CCNY: variants seen among roughly 807,000 people sequenced by gnomAD.
CCNY encodes the protein cyclin-Y.
A neutral mutation model predicts 42.8 loss-of-function variants in CCNY; 19 were observed. The ratio of observed to expected loss-of-function variants is 0.44; its 90% CI spans 0.31 to 0.65. The LOEUF (loss-of-function observed/expected upper bound fraction) is 0.65. Ranked by LOEUF, CCNY falls within the 30% of genes least tolerant of loss-of-function variation. CCNY has a pLI of 0.07. For missense variants in CCNY, 370 were observed against 437.3 expected (o/e 0.85, Z 1.37); for synonymous variants, 165 against 162.7 (o/e 1.01, Z -0.11).
chr10:35,550,792 C>G (rs544145023), intron 7 of CCNY, among the ~76,000 whole-genome samples: 1 of 152,050 alleles, frequency 6.6e-6, no homozygotes, highest in Non-Finnish European at 1.5e-5. Context: ...TTCTTTGTTA[C>G]CCCTTCATCC....
At chr10:35,322,994 T>C (rs909722113) in intron 3 of CCNY, among the ~76,000 whole-genome samples, 95 of 152,292 alleles carry the variant, frequency 6.2e-4, no homozygotes, top group African/African-American at 2.2e-3. Flanking sequence ...TGGTGTGAGC[T>C]TGGCTCAGTC....
chr10:35,546,530 CAG>C (rs1330254916), intron 7 of CCNY, among the ~76,000 whole-genome samples: 2 of 152,178 alleles, frequency 1.3e-5, no homozygotes, highest in Non-Finnish European at 2.9e-5. Context: ...TTTTACTTGG[CAG>C]AGAGTTAAAA....
At chr10:35,558,447 A>C (rs1383173482) in intron 8 of CCNY, among the ~76,000 whole-genome samples, 4 of 152,200 alleles carry the variant, frequency 2.6e-5, no homozygotes, top group Admixed American at 1.3e-4. Context: ...CTATAAATTG[A>C]ATGCATATCC....
At position 35,452,971 on chromosome 10, in the gene CCNY, A is replaced by T. The variant is rs111958155; in HGVS notation, c.155-30433A>T. Reference sequence around the variant, plus strand: ...GTGGTGACATTGTCTAGAACATTTTAAAAAAAATATTATTTATTTTTAGAG... The same window carrying T: ...GTGGTGACATTGTCTAGAACATTTTTAAAAAAATATTATTTATTTTTAGAG... On this transcript the variant is annotated intron_variant, in intron 1 of 9. Transcript: ENST00000374704. Among the ~76,000 whole-genome samples, 568 of 152,060 alleles carry T rather than the reference A, an allele frequency of 3.7e-3. 4 individuals are homozygous for T. The highest frequency in any genetic ancestry group is 0.013 in the African/African-American group (523 of 41,482).
intron 3 of CCNY, among the ~76,000 whole-genome samples, chr10:35,329,054 A>G (rs1376880285): frequency 1.3e-5 from 2 of 152,270 alleles, no homozygotes; most frequent in East Asian, 1.9e-4. Context: ...TACAGATCAC[A>G]GAATGACCAA....
intron 3 of CCNY, among the ~76,000 whole-genome samples, chr10:35,281,337 C>T (rs921496128): frequency 6.6e-5 from 10 of 151,966 alleles, no homozygotes; most frequent in African/African-American, 1.9e-4. Context: ...CTGACTCTGT[C>T]GCCCAGGGTG....
At chr10:35,358,560 C>G (rs1228283942) in intron 1 of CCNY, among the ~76,000 whole-genome samples, 3 of 152,156 alleles carry the variant, frequency 2.0e-5, no homozygotes, top group Non-Finnish European at 4.4e-5. Context: ...TAATTTGTAG[C>G]AGTAGTGAGT....
rs375896245 is a variant in CCNY at position 35,525,236 on chromosome 10, T to G, written c.366-728T>G. ...CCTGACTCCTTACACACATAATTTA[T>G]AGAAAGCTATATATCTTAAGCTAAT... On this transcript the variant is annotated intron_variant, in intron 4 of 9. Coordinates refer to ENST00000374704, the MANE Select transcript of CCNY (RefSeq NM_145012.6). Among the ~76,000 whole-genome samples, 9 of 152,192 alleles carry G rather than the reference T, an allele frequency of 5.9e-5. No homozygotes were observed. In the East Asian group the frequency reaches 1.2e-3, roughly 20 times the overall value.
At chr10:35,558,593 T>G (rs759579601) in intron 8 of CCNY, among the ~76,000 whole-genome samples, 1 of 152,182 alleles carries the variant, frequency 6.6e-6, no homozygotes, top group South Asian at 2.1e-4. Flanking sequence ...TGGAGATATA[T>G]TTTTTAAAGA....
At chr10:35,363,033 G>C (rs1301263170) in intron 1 of CCNY, among the ~76,000 whole-genome samples, 1 of 149,530 alleles carries the variant, frequency 6.7e-6, no homozygotes, top group Non-Finnish European at 1.5e-5. Context: ...TGGGCCGCCG[G>C]CGGCCGGGCG....
intron 4 of CCNY, among the ~76,000 whole-genome samples, chr10:35,518,406 T>C (rs1398694146): frequency 5.3e-5 from 8 of 152,200 alleles, no homozygotes; most frequent in Non-Finnish European, 1.0e-4. Flanking sequence ...TTAACAGACT[T>C]TGATTGAATC....
intron 8 of CCNY, among the ~76,000 whole-genome samples, chr10:35,558,127 A>T (rs1046849035): frequency 6.6e-6 from 1 of 152,226 alleles, no homozygotes; most frequent in Non-Finnish European, 1.5e-5. Context: ...ACTGGAAACC[A>T]TCTAAGTAGC....
intron 3 of CCNY, among the ~76,000 whole-genome samples, chr10:35,314,313 G>C (rs1835726792): frequency 6.6e-6 from 1 of 152,076 alleles, no homozygotes; most frequent in African/African-American, 2.4e-5. Flanking sequence ...AAGGCAAAAG[G>C]CACATCTTAC....
intron 3 of CCNY, among the ~76,000 whole-genome samples, chr10:35,505,579 G>C (rs1334302870): frequency 6.6e-6 from 1 of 152,126 alleles, no homozygotes; most frequent in South Asian, 2.1e-4. Context: ...TCTGCCACCT[G>C]CTAATTGGGC....
At chr10:35,506,151 A>C (rs1358052209) in intron 3 of CCNY, among the ~76,000 whole-genome samples, 2 of 152,234 alleles carry the variant, frequency 1.3e-5, no homozygotes, top group Non-Finnish European at 2.9e-5. Flanking sequence ...ATATGCTTGG[A>C]GGATGTGAAA....
chr10:35,519,162 G>A (rs1406833884), intron 4 of CCNY, among the ~76,000 whole-genome samples: 1 of 151,830 alleles, frequency 6.6e-6, no homozygotes, highest in Admixed American at 6.6e-5. Context: ...GGTATACTGT[G>A]AGTATCTGGA....
At chr10:35,400,219 C>T (rs921596615) in intron 1 of CCNY, among the ~76,000 whole-genome samples, 4 of 132,118 alleles carry the variant, frequency 3.0e-5, no homozygotes, top group Non-Finnish European at 3.1e-5. Context: ...AAAACGGCTT[C>T]TAGTGGTTTG....
intron 1 of CCNY, among the ~76,000 whole-genome samples, chr10:35,393,858 C>T (rs1444640607): frequency 1.3e-5 from 2 of 152,006 alleles, no homozygotes; most frequent in Admixed American, 1.3e-4. Flanking sequence ...TTGCTTGGAG[C>T]CAGGAGTTCG....
chr10:35,433,837 G>C (rs754857783), intron 1 of CCNY, among the ~76,000 whole-genome samples: 3 of 152,196 alleles, frequency 2.0e-5, no homozygotes, highest in Non-Finnish European at 4.4e-5. Flanking sequence ...TCGAACTCCT[G>C]ACCTCAGGTG....
Sources: allele counts gnomAD v4.1 joint callset (sites outside exome capture counted in the v4.1 genomes callset), GRCh38; gene constraint gnomAD v4.1.1; transcripts MANE v1.5; gene names NCBI Gene and HGNC (gene_info 2026-07-23, HGNC 2026-07-21).